The following CABIN1 variants were observed in gnomAD, a reference collection of about 807,000 sequenced individuals.
The protein encoded by CABIN1 is calcineurin-binding protein cabin-1.
A neutral mutation model predicts 227.7 loss-of-function variants in CABIN1; 133 were observed. The observed-to-expected ratio is 0.58, with a 90% CI of 0.51 to 0.67. The LOEUF (loss-of-function observed/expected upper bound fraction) is 0.67, where lower values mean the gene tolerates loss of function less well. Among genes scored for constraint, CABIN1 ranks in the 30% least tolerant of loss-of-function variants. The pLI is 0.00. For missense variants in CABIN1, 2,408 were observed against 2,852.5 expected (o/e 0.84, Z 3.55); for synonymous variants, 1,086 against 1,155.1 (o/e 0.94, Z 1.21).
intron 22 of CABIN1, among the ~76,000 whole-genome samples, chr22:24,085,568 T>G (rs1053245951): frequency 4.6e-5 from 7 of 152,162 alleles, no homozygotes; most frequent in African/African-American, 1.7e-4. Flanking sequence ...GGACAAGTAA[T>G]AGAAAAACTC....
chr22:24,062,149 G>T, intron 13 of CABIN1, 124 bp downstream of exon 13: 2 of 801,694 alleles, frequency 2.5e-6, no homozygotes, highest in Non-Finnish European at 4.2e-6. Flanking sequence ...ACATTTTTTG[G>T]GTTGGCTTGT....
chr22:24,085,275 G>A lies in CABIN1; in HGVS notation c.3263+124G>A, dbSNP rs543242912. 1,126 of 1,010,808 alleles carry A rather than the reference G, an allele frequency of 1.1e-3. 2 individuals carry two copies. Among genetic ancestry groups the A allele is most frequent in the Admixed American group, 1.9e-3 (97 of 50,986 alleles). The allele number at this position is 1,010,808 out of a possible 1,614,324, so 62.6% of individuals were successfully genotyped here. A position where few individuals can be genotyped will look rare whatever the true frequency, so the allele number is the denominator to read the frequency against. ...CCATTGCAAAGAGACCAGGGAAAAC[G>A]GAATGAGAGGGTGGTTTAGCACTTT... is the stretch of plus-strand genomic sequence containing the variant. On this transcript the variant is annotated intron_variant, in intron 22 of 36. Transcript: ENST00000263119.
intron 19 of CABIN1, among the ~76,000 whole-genome samples, chr22:24,082,730 G>T (rs73165713): frequency 0.085 from 12,909 of 152,144 alleles, 682 homozygotes; most frequent in East Asian, 0.3. Context: ...TTTATGTTTT[G>T]TCTGAGGGAG....
At chr22:24,011,800 A>C (rs1436290845) in intron 1 of CABIN1, 1 of 152,250 alleles carries the variant, frequency 6.6e-6, no homozygotes, top group Non-Finnish European at 1.5e-5. Context: ...GATTTGCTCC[A>C]AGTCACCCAG....
Position 24,084,795 on chromosome 22 carries a change from C to T in CABIN1, c.3117+10C>T. On this transcript the variant is annotated intron_variant, in intron 21 of 36. Coordinates refer to ENST00000263119, the MANE Select transcript of CABIN1 (RefSeq NM_012295.4). ...GGGAACTTCAACTGAGGTGGGCCCACAACCTTGAGGACGTGGGGGACAGGG... is the reference window on the plus strand; with the variant it reads ...GGGAACTTCAACTGAGGTGGGCCCATAACCTTGAGGACGTGGGGGACAGGG... 1 of 1,613,784 alleles carries T rather than the reference C, an allele frequency of 6.2e-7. No individual in the cohort carries two copies. Among genetic ancestry groups the T allele is most frequent in the Non-Finnish European group, 8.5e-7 (1 of 1,179,638 alleles).
chr22:24,177,949 G>A lies in CABIN1; in HGVS notation c.6520-104G>A. ...GGATGGCATAGGGGCCTGGGGCAGG[G>A]GTGAGGGTGGGAGGGGGGCCTGGGG... is the stretch of plus-strand genomic sequence containing the variant. On this transcript the variant is annotated intron_variant, in intron 36 of 36. Transcript: ENST00000263119. This position sits in a 1 kb window ranked among gnomAD's most constrained non-coding sequence, Gnocchi z 4.4. 1.3e-6 allele frequency: 2 copies of A among 1,563,222 alleles called. No homozygotes were observed. The highest frequency in any genetic ancestry group is 1.8e-5 in the Admixed American group (1 of 56,804).
intron 27 of CABIN1, 36 bp from the exon 28 acceptor site, chr22:24,119,330 AC>A: frequency 1.1e-5 from 17 of 1,585,840 alleles, no homozygotes; most frequent in Non-Finnish European, 1.5e-5. Flanking sequence ...AGGGCCTAAA[AC>A]CAGGGTGACT....
rs75073100 is a variant in CABIN1 at position 24,055,041 on chromosome 22, C to A, written c.975C>A (p.Ser325Arg). Reference sequence around the variant, plus strand: ...CGCCAGTTAACGTGATCCAGCCAAGCACTGTCAGCACCAACCCAGCTGTGG... The same window carrying A: ...CGCCAGTTAACGTGATCCAGCCAAGAACTGTCAGCACCAACCCAGCTGTGG... ...VVTPVNVIQP[S>R]TVSTNPAVAV... The change falls in exon 9 of 37, where the codon AGC becomes AGA. Residue 325 changes from serine (S) to arginine (R), a missense_variant. Transcript: ENST00000263119. 4.4e-4 allele frequency: 717 copies of A among 1,614,256 alleles called. 9 individuals are homozygous for A. The East Asian group carries it at 0.016, about 35-fold the overall frequency.
At chr22:24,161,340 T>C (rs1055023218) in intron 29 of CABIN1, among the ~76,000 whole-genome samples, 2 of 152,114 alleles carry the variant, frequency 1.3e-5, no homozygotes, top group Non-Finnish European at 2.9e-5. Context: ...TCCCAGCCAC[T>C]GTGGCCATCA....
chr22:24,121,200 A>G (rs1288108155), intron 28 of CABIN1, among the ~76,000 whole-genome samples: 2 of 152,206 alleles, frequency 1.3e-5, no homozygotes, highest in Admixed American at 1.3e-4. Context: ...GAAGAACCAG[A>G]ATGGACAGTT....
chr22:24,098,040 A>C lies in CABIN1; in HGVS notation c.3965A>C (p.Asp1322Ala), dbSNP rs1325646830. 2 of 1,613,224 alleles carry C rather than the reference A, an allele frequency of 1.2e-6. No homozygotes were observed. The highest frequency in any genetic ancestry group is 1.7e-6 in the Non-Finnish European group (2 of 1,179,880). ...GAGAAGGCCTGCCTGGTGGACGAGGACTCCCACTCTTCAGCTGGGACACTG... is the reference window on the plus strand; with the variant it reads ...GAGAAGGCCTGCCTGGTGGACGAGGCCTCCCACTCTTCAGCTGGGACACTG... Reference protein sequence around the residue: ...EKEKACLVDEDSHSSAGTLPG... With the variant: ...EKEKACLVDEASHSSAGTLPG... The change falls in exon 26 of 37, where the codon GAC (aspartate) becomes GCC (alanine). Residue 1322 changes from aspartate to alanine, a missense_variant. Physicochemically the swap from Asp to Ala is moderately radical, Grantham distance 126. Transcript: ENST00000263119.
intron 28 of CABIN1, among the ~76,000 whole-genome samples, chr22:24,133,696 T>TG (rs1302783781): frequency 2.0e-5 from 3 of 152,064 alleles, no homozygotes; most frequent in Admixed American, 1.3e-4. Context: ...GAGGAGTGGC[T>TG]GGCCAGGCAG....
chr22:24,126,890 T>G lies in CABIN1; in HGVS notation c.4632+7192T>G, dbSNP rs775112732. ...GGTGTGTGCCTGAAATCCCAGCTAC[T>G]CAGTAGGCTAAGGAAGGAGAATCGC... On this transcript the variant is annotated intron_variant, in intron 28 of 36. Transcript: ENST00000263119. Among the ~76,000 whole-genome samples, 286 of 150,966 alleles carry G rather than the reference T, an allele frequency of 1.9e-3. 4 individuals are homozygous for G. The highest frequency in any genetic ancestry group is 8.3e-4 in the Non-Finnish European group (56 of 67,874).
chr22:24,049,328 G>T (rs1432868770), intron 7 of CABIN1, 108 bp downstream of exon 7: 16 of 1,372,676 alleles, frequency 1.2e-5, no homozygotes, highest in Non-Finnish European at 1.6e-5. Flanking sequence ...GAGCCCCTGT[G>T]CTCTGGGGCT....
At chr22:24,117,545 TG>T (rs695452) in intron 27 of CABIN1, among the ~76,000 whole-genome samples, 37,276 of 142,320 alleles carry the variant, frequency 0.26, 5,153 homozygotes, top group East Asian at 0.42. Context: ...TTTGTTTTTT[TG>T]GGGGGGGGGT....
intron 31 of CABIN1, 39 bp from the exon 32 acceptor site, chr22:24,166,600 C>T: frequency 1.2e-6 from 2 of 1,612,398 alleles, no homozygotes; most frequent in Non-Finnish European, 1.7e-6. Flanking sequence ...GCAGTGGAGA[C>T]ACCAGCGACA....
chr22:24,080,827 G>A (rs988010039), intron 19 of CABIN1, among the ~76,000 whole-genome samples: 7 of 152,034 alleles, frequency 4.6e-5, no homozygotes, highest in Non-Finnish European at 7.4e-5. Context: ...TAATTTTAGT[G>A]GGTGGTAGAC....
intron 29 of CABIN1, among the ~76,000 whole-genome samples, chr22:24,135,836 C>T (rs1008009304): frequency 2.0e-5 from 3 of 152,142 alleles, no homozygotes; most frequent in Admixed American, 6.5e-5. Context: ...TCTCAGGGTA[C>T]GTGGGCAGGC....
At chr22:24,159,113 C>G (rs1426363267) in intron 29 of CABIN1, among the ~76,000 whole-genome samples, 1 of 152,230 alleles carries the variant, frequency 6.6e-6, no homozygotes, top group African/African-American at 2.4e-5. Flanking sequence ...TTCATCTTGG[C>G]TCACAGATCT....
Sources: allele counts gnomAD v4.1 joint callset (sites outside exome capture counted in the v4.1 genomes callset), GRCh38; gene constraint gnomAD v4.1.1; non-coding constraint Gnocchi (gnomAD v3.1); transcripts MANE v1.5; gene names NCBI Gene and HGNC (gene_info 2026-07-23, HGNC 2026-07-21).